NOTCH2NLC: variants seen among roughly 807,000 people sequenced by gnomAD.
NOTCH2NLC encodes the protein notch homolog 2 N-terminal-like protein C.
In NOTCH2NLC, 4 loss-of-function variants were observed where a neutral mutation model predicts 17.7. The observed-to-expected ratio is 0.23, with a 90% CI of 0.11 to 0.52. The LOEUF (loss-of-function observed/expected upper bound fraction) is 0.52, where lower values mean the gene tolerates loss of function less well. Ranked by LOEUF, NOTCH2NLC falls within the 20% of genes least tolerant of loss-of-function variation. The probability of loss-of-function intolerance (pLI) is 0.96; values close to 1 mark genes in which losing one functional copy is unlikely to be tolerated. For synonymous variants in NOTCH2NLC, 18 were observed against 86.0 expected (o/e 0.21, Z 4.38); for missense variants, 57 against 207.2 (o/e 0.28, Z 4.45).
chr1:149,471,354 T>C lies in NOTCH2NLC; in HGVS notation c.*7201T>C, dbSNP rs1272157019. Among the ~76,000 whole-genome samples, 2 of 149,664 alleles carry C rather than the reference T, an allele frequency of 1.3e-5. No homozygotes were observed. The highest frequency in any genetic ancestry group is 2.5e-5 in the African/African-American group (1 of 40,778). ...GGAATACAATTTATTTTTTCTTTTG[T>C]TGCTTGTGCTTTCAGTCATATTTGT... On this transcript the variant is annotated 3_prime_UTR_variant, in exon 5 of 5. Transcript: ENST00000650865.
At chr1:149,440,300 G>A (rs2084509464) in intron 2 of NOTCH2NLC, among the ~76,000 whole-genome samples, 2 of 145,484 alleles carry the variant, frequency 1.4e-5, no homozygotes, top group African/African-American at 5.1e-5. Flanking sequence ...TACTATAACT[G>A]ATCACTGTAC....
intron 1 of NOTCH2NLC, among the ~76,000 whole-genome samples, chr1:149,426,743 GCATCAGTTTAAA>G (rs1465690194): frequency 1.4e-5 from 2 of 143,280 alleles, no homozygotes; most frequent in Non-Finnish European, 3.1e-5. Context: ...GTCTATTAAA[GCATCAGTTTAAA>G]CATCAATTCT....
intron 1 of NOTCH2NLC, among the ~76,000 whole-genome samples, chr1:149,427,017 T>G (rs2084416575): frequency 1.3e-5 from 2 of 150,180 alleles, no homozygotes; most frequent in South Asian, 4.2e-4. Flanking sequence ...TTTTAAAAAT[T>G]AGAATTGTCA....
At position 149,469,027 on chromosome 1, in the gene NOTCH2NLC, C is replaced by G. The variant is rs1286038884; in HGVS notation, c.*4874C>G. ...TCTCCCAGGCTGGAGTGCAATGGTG[C>G]TATCTCGGCTCACTGCAACCTCCAC... On this transcript the variant is annotated 3_prime_UTR_variant, in exon 5 of 5. Transcript: ENST00000650865. 9.3e-6 allele frequency among the ~76,000 whole-genome samples: 1 copy of G among 107,008 alleles called. No individual in the cohort carries two copies. Among genetic ancestry groups the G allele is most frequent in the South Asian group, 3.5e-4 (1 of 2,846 alleles). The allele number at this position is 107,008 out of a possible 152,430, so 70.2% of individuals were successfully genotyped here. A position where few individuals can be genotyped will look rare whatever the true frequency, so the allele number is the denominator to read the frequency against.
chr1:149,416,625 T>TAG (rs2084336588), intron 1 of NOTCH2NLC, among the ~76,000 whole-genome samples: 5 of 125,318 alleles, frequency 4.0e-5, no homozygotes, highest in Admixed American at 8.2e-5. Context: ...AACTCCATAA[T>TAG]TTCCTTTTGC....
At chr1:149,441,044 G>C in intron 2 of NOTCH2NLC, among the ~76,000 whole-genome samples, 2 of 150,722 alleles carry the variant, frequency 1.3e-5, no homozygotes, top group Middle Eastern at 7.0e-3. Flanking sequence ...ACCAGACAGA[G>C]AGGCGGTAGG....
intron 1 of NOTCH2NLC, among the ~76,000 whole-genome samples, chr1:149,418,975 T>G (rs1260240697): frequency 6.6e-6 from 1 of 150,820 alleles, no homozygotes; most frequent in African/African-American, 2.4e-5. Context: ...TTCCTTTCCT[T>G]TCTCTCTCTC....
At chr1:149,443,488 GATAATC>G (rs1428031796) in intron 2 of NOTCH2NLC, among the ~76,000 whole-genome samples, 11 of 149,130 alleles carry the variant, frequency 7.4e-5, no homozygotes, top group African/African-American at 2.5e-4. Flanking sequence ...TCTGTTGACA[GATAATC>G]ATAATAAGGG....
At position 149,443,620 on chromosome 1, in the gene NOTCH2NLC, A is replaced by G. The variant is rs1357489722; in HGVS notation, c.210-11698A>G. The stretch of plus-strand genomic sequence containing the variant: ...GAAATTTTAGGGCTTAGCCATGAGA[A>G]GGTGGGGAAAAGCATTTTGGGCTGA... On this transcript the variant is annotated intron_variant, in intron 2 of 4. Transcript: ENST00000650865. Among the ~76,000 whole-genome samples the G allele has an allele frequency of 4.5e-4, 68 of 151,174 alleles. 1 individual carries two copies. Among genetic ancestry groups the G allele is most frequent in the African/African-American group, 1.6e-3 (65 of 41,258 alleles).
chr1:149,407,069 C>G (rs2084274834), intron 1 of NOTCH2NLC, among the ~76,000 whole-genome samples: 1 of 150,036 alleles, frequency 6.7e-6, no homozygotes, highest in Non-Finnish European at 1.5e-5. Flanking sequence ...TCTTGTACCT[C>G]TCATCTCAGA....
At chr1:149,400,132 A>T (rs1195893868) in intron 1 of NOTCH2NLC, among the ~76,000 whole-genome samples, 21 of 125,042 alleles carry the variant, frequency 1.7e-4, no homozygotes, top group Admixed American at 1.1e-3. Context: ...ATATATATAT[A>T]ATATATATTT....
At position 149,394,449 on chromosome 1, in the gene NOTCH2NLC, C is replaced by A. The variant is rs2084193957; in HGVS notation, c.135+3527C>A. ...GATATAGAATATAATGTCATTTCTT[C>A]TGTTTATCTGGGTGCAGTATGTCTG... On this transcript the variant is annotated intron_variant, in intron 1 of 4. Transcript: ENST00000650865. Among the ~76,000 whole-genome samples the A allele has an allele frequency of 8.6e-5, 13 of 151,206 alleles. 1 individual carries two copies. The South Asian group carries it at 2.5e-3, about 29-fold the overall frequency.
Position 149,412,898 on chromosome 1 carries a change from CT to C in NOTCH2NLC, c.136-18020del, listed in dbSNP as rs1228082474. Among the ~76,000 whole-genome samples the C allele has an allele frequency of 6.0e-3, 574 of 95,638 alleles. 1 individual carries two copies. The highest frequency in any genetic ancestry group is 0.017 in the African/African-American group (425 of 25,438). The allele number at this position is 95,638 out of a possible 152,430, so 62.7% of individuals were successfully genotyped here. On this transcript the variant is annotated intron_variant, in intron 1 of 4. Coordinates refer to ENST00000650865, the MANE Select transcript of NOTCH2NLC (RefSeq NM_001364013.2). ...GGCAGTACAAAGACAAGATGACTGA[CT>C]TTTTTTTTTTTTTTTTTTTTTTTGA...
intron 1 of NOTCH2NLC, among the ~76,000 whole-genome samples, chr1:149,430,548 T>A (rs2084442901): frequency 6.9e-6 from 1 of 145,284 alleles, no homozygotes; most frequent in Non-Finnish European, 1.5e-5. Context: ...AATGGTGATC[T>A]ATTATTTATC....
rs2084641898 is a variant in NOTCH2NLC, at chr1:149,460,859, CTTTCTTTCTTTCTTTCTTTCTTT to C, written c.470-2631_470-2609del. ...TGATTCTTTCTTTCTTTCTCCCTTT[CTTTCTTTCTTTCTTTCTTTCTTT>C]CTTTCTTTCTTTCTTTCTTTCTTTC... On this transcript the variant is annotated intron_variant, in intron 3 of 4. Coordinates refer to ENST00000650865, the MANE Select transcript of NOTCH2NLC (RefSeq NM_001364013.2). Among the ~76,000 whole-genome samples, 5 of 1,798 alleles carry C rather than the reference CTTTCTTTCTTTCTTTCTTTCTTT, an allele frequency of 2.8e-3. No individual in the cohort carries two copies. In the African/African-American group the frequency reaches 0.029, roughly 10 times the overall value. The allele number at this position is 1,798 out of a possible 152,430, so 1.2% of individuals were successfully genotyped here. A position where few individuals can be genotyped will look rare whatever the true frequency, so the allele number is the denominator to read the frequency against.
chr1:149,432,561 A>G (rs1182072746), intron 2 of NOTCH2NLC, among the ~76,000 whole-genome samples: 7 of 151,038 alleles, frequency 4.6e-5, no homozygotes, highest in African/African-American at 1.7e-4. Flanking sequence ...GGCCACTGAA[A>G]TCTTGTTTAG....
At chr1:149,461,281 C>G (rs2084648740) in intron 3 of NOTCH2NLC, among the ~76,000 whole-genome samples, 1 of 148,656 alleles carries the variant, frequency 6.7e-6, no homozygotes, top group Admixed American at 6.7e-5. Context: ...GAAAATCACA[C>G]TTGCTAGAAG....
intron 1 of NOTCH2NLC, among the ~76,000 whole-genome samples, chr1:149,426,618 C>G (rs1427636290): frequency 7.4e-6 from 1 of 135,448 alleles, no homozygotes; most frequent in Non-Finnish European, 1.6e-5. Flanking sequence ...AGAGGAGGGC[C>G]TGCACAAACA....
chr1:149,414,470 CCTA>C (rs2084319182), intron 1 of NOTCH2NLC, among the ~76,000 whole-genome samples: 1 of 150,590 alleles, frequency 6.6e-6, no homozygotes, highest in African/African-American at 2.4e-5. Context: ...GCATATGTAT[CCTA>C]CTTTATGAAA....
Sources: gnomAD v4.1 joint callset for allele counts (sites outside exome capture counted in the v4.1 genomes callset) on GRCh38, gnomAD v4.1.1 for gene constraint, MANE v1.5 for transcripts, NCBI Gene and HGNC (gene_info 2026-07-23, HGNC 2026-07-21) for gene names.